The following CTNNA2 variants were observed in gnomAD, a reference collection of about 807,000 sequenced individuals.
The protein encoded by CTNNA2 is catenin alpha 2.
A neutral mutation model predicts 101.0 loss-of-function variants in CTNNA2; 42 were observed. That is an observed-to-expected ratio of 0.42 (90% CI 0.32 to 0.54). CTNNA2 has a LOEUF of 0.54. Ranked by LOEUF, CTNNA2 falls within the 20% of genes least tolerant of loss-of-function variation. The pLI, the probability that CTNNA2 is intolerant of heterozygous loss-of-function variation, is 0.14. For synonymous variants in CTNNA2, 450 were observed against 456.4 expected (o/e 0.99, Z 0.18); for missense variants, 871 against 1,223.1 (o/e 0.71, Z 4.29).
At chr2:79,408,308 AT>A (rs778474396) in intron 4 of CTNNA2, among the ~76,000 whole-genome samples, 4 of 150,790 alleles carry the variant, frequency 2.7e-5, no homozygotes, top group Non-Finnish European at 5.9e-5. Flanking sequence ...TATTATTATT[AT>A]TATTATTATA....
intron 4 of CTNNA2, among the ~76,000 whole-genome samples, chr2:79,490,157 G>C (rs758035971): frequency 6.6e-6 from 1 of 152,122 alleles, no homozygotes; most frequent in Non-Finnish European, 1.5e-5. Context: ...TATTGCTCAA[G>C]CTGACCATAC....
chr2:80,076,962 T>A (rs35548231), intron 7 of CTNNA2, among the ~76,000 whole-genome samples: 1 of 151,626 alleles, frequency 6.6e-6, no homozygotes, highest in Non-Finnish European at 1.5e-5. Flanking sequence ...AGGAGAATGG[T>A]GTGAACCCAG....
chr2:79,333,126 G>T (rs955461563), intron 3 of CTNNA2, among the ~76,000 whole-genome samples: 1 of 152,148 alleles, frequency 6.6e-6, no homozygotes, highest in African/African-American at 2.4e-5. Context: ...AGAAATGTAA[G>T]TTGTTATACA....
intron 2 of CTNNA2, among the ~76,000 whole-genome samples, chr2:79,710,641 G>T (rs1393922500): frequency 6.6e-6 from 1 of 152,066 alleles, no homozygotes; most frequent in African/African-American, 2.4e-5. Flanking sequence ...GTGTTTGCAG[G>T]GCCTGTAAAT....
At chr2:79,989,443 T>TCA (rs1692008421) in intron 7 of CTNNA2, among the ~76,000 whole-genome samples, 1 of 151,946 alleles carries the variant, frequency 6.6e-6, no homozygotes, top group South Asian at 2.1e-4. Flanking sequence ...AGCAACATGG[T>TCA]GAAAATCCCG....
intron 9 of CTNNA2, among the ~76,000 whole-genome samples, chr2:80,479,072 C>T (rs1227769388): frequency 6.6e-6 from 1 of 151,310 alleles, no homozygotes; most frequent in Non-Finnish European, 1.5e-5. Flanking sequence ...TTGTGGTTCT[C>T]ATTGTAGAGA....
chr2:79,348,163 C>T (rs1273946349), intron 3 of CTNNA2, among the ~76,000 whole-genome samples: 1 of 152,010 alleles, frequency 6.6e-6, no homozygotes, highest in Non-Finnish European at 1.5e-5. Context: ...CTTTGGACTC[C>T]TATGAAAACA....
At chr2:80,539,512 T>C (rs544769724) in intron 9 of CTNNA2, among the ~76,000 whole-genome samples, 1 of 152,142 alleles carries the variant, frequency 6.6e-6, no homozygotes, top group East Asian at 1.9e-4. Context: ...TACCTCTCCA[T>C]GATATGTTTA....
chr2:80,404,315 C>A (rs13410694), intron 8 of CTNNA2, among the ~76,000 whole-genome samples: 1 of 151,266 alleles, frequency 6.6e-6, no homozygotes, highest in African/African-American at 2.4e-5. Flanking sequence ...AGCTAGCAGT[C>A]GATTTTATTA....
At position 79,832,905 on chromosome 2, in the gene CTNNA2, C is replaced by A. The variant is rs12612439; in HGVS notation, c.299-25108C>A. On this transcript the variant is annotated intron_variant, in intron 3 of 18. Coordinates refer to ENST00000402739, the MANE Select transcript of CTNNA2 (RefSeq NM_001282597.3). ...TTTTACTATTCTCGTAAATTTTAAA[C>A]CTTATTTGTTTTCCATTGCTACTGA... 5.3e-3 allele frequency among the ~76,000 whole-genome samples: 810 copies of A among 152,290 alleles called. 31 individuals are homozygous for A. The East Asian group carries it at 0.1, about 20-fold the overall frequency.
In CTNNA2 at chr2:80,246,686, C is replaced by T. The variant is rs1050438142; in HGVS notation, c.1057-146525C>T. Among the ~76,000 whole-genome samples, 10 of 152,268 alleles carry T rather than the reference C, an allele frequency of 6.6e-5. No homozygotes were observed. In the East Asian group the frequency reaches 1.7e-3, roughly 26 times the overall value. ...ATGTTGCTCTCTACAGCTCACTGAG[C>T]ATTGAAGGATCCTCTTGGGTGCATT... On this transcript the variant is annotated intron_variant, in intron 7 of 18. Coordinates refer to ENST00000402739, the MANE Select transcript of CTNNA2 (RefSeq NM_001282597.3).
intron 4 of CTNNA2, among the ~76,000 whole-genome samples, chr2:79,401,026 G>A (rs919861339): frequency 6.6e-6 from 1 of 151,746 alleles, no homozygotes; most frequent in Admixed American, 6.6e-5. Flanking sequence ...AAAAATAATA[G>A]AGAAATTAAG....
intron 2 of CTNNA2, among the ~76,000 whole-genome samples, chr2:79,223,846 TAGG>T (rs1305352671): frequency 1.3e-5 from 2 of 152,176 alleles, no homozygotes; most frequent in African/African-American, 4.8e-5. Flanking sequence ...TGAGAATTGT[TAGG>T]AGAACAGATT....
chr2:79,916,340 T>C (rs1465712684), intron 7 of CTNNA2, among the ~76,000 whole-genome samples: 1 of 152,074 alleles, frequency 6.6e-6, no homozygotes, highest in African/African-American at 2.4e-5. Flanking sequence ...CATTGGTGCC[T>C]GTGGTGAGGT....
At chr2:80,466,574 T>G (rs1684871244) in intron 9 of CTNNA2, among the ~76,000 whole-genome samples, 1 of 152,184 alleles carries the variant, frequency 6.6e-6, no homozygotes, top group Non-Finnish European at 1.5e-5. Context: ...AGAAACCTTT[T>G]TCAAAATGAA....
chr2:79,241,884 A>ATTTTC (rs3979579), intron 2 of CTNNA2, among the ~76,000 whole-genome samples: 18,850 of 149,136 alleles, frequency 0.13, 1,326 homozygotes, highest in Middle Eastern at 0.26. Context: ...ACATTTGGGT[A>ATTTTC]TTTTCTTTTC....
At chr2:80,257,686 A>G (rs1198467547) in intron 7 of CTNNA2, among the ~76,000 whole-genome samples, 2 of 152,188 alleles carry the variant, frequency 1.3e-5, no homozygotes. Context: ...TAAACCATTC[A>G]TGTGGATGTG....
At chr2:79,424,261 T>C (rs1055342125) in intron 4 of CTNNA2, among the ~76,000 whole-genome samples, 1 of 152,162 alleles carries the variant, frequency 6.6e-6, no homozygotes, top group Non-Finnish European at 1.5e-5. Flanking sequence ...ATGTCCAAAA[T>C]AAGTTTATTC....
chr2:80,462,951 A>C (rs1572951204), intron 9 of CTNNA2, among the ~76,000 whole-genome samples: 2 of 152,104 alleles, frequency 1.3e-5, no homozygotes, highest in Middle Eastern at 3.4e-3. Flanking sequence ...CTCTGAAATC[A>C]TTAGTCTATT....
Sources: gnomAD v4.1 joint callset for allele counts (sites outside exome capture counted in the v4.1 genomes callset) on GRCh38, gnomAD v4.1.1 for gene constraint, MANE v1.5 for transcripts, NCBI Gene and HGNC (gene_info 2026-07-23, HGNC 2026-07-21) for gene names.